HNRNPH1: variants seen among roughly 807,000 people sequenced by gnomAD.
HNRNPH1 encodes heterogeneous nuclear ribonucleoprotein H.
HNRNPH1 carries 4 observed loss-of-function variants against 58.6 expected under a neutral mutation model. The observed-to-expected ratio is 0.07, with a 90% CI of 0.03 to 0.16. The LOEUF is 0.16. HNRNPH1 is among the 10% of genes least tolerant of loss of function. The pLI is 1.00. For missense variants in HNRNPH1, 271 were observed against 564.2 expected (o/e 0.48, Z 5.26); for synonymous variants, 192 against 189.2 (o/e 1.01, Z -0.12).
rs79542593 is a variant in HNRNPH1 at position 179,615,499 on chromosome 5, A to G, written c.*47T>C. On this transcript the variant is annotated intron_variant, in intron 12 of 12. Transcript: ENST00000356731. ...GCTATAGAAAGCATTATTACAACAT[A>G]TCAGTATTTGCTATTGGGAATTTAT... 3,066 of 999,808 alleles carry G rather than the reference A, an allele frequency of 3.1e-3. 86 individuals are homozygous for G. The East Asian group carries it at 0.057, about 19-fold the overall frequency. The allele number at this position is 999,808 out of a possible 1,614,324, so 61.9% of individuals were successfully genotyped here.
chr5:179,625,064 A>G (rs1350557245), upstream of HNRNPH1, among the ~76,000 whole-genome samples: 1 of 151,690 alleles, frequency 6.6e-6, no homozygotes, highest in African/African-American at 2.4e-5. Context: ...GTAAAGGAAA[A>G]CTCTTGCTGG....
chr5:179,616,813 A>C, intron 10 of HNRNPH1, 56 bp downstream of exon 11: 1 of 1,359,342 alleles, frequency 7.4e-7, no homozygotes, highest in Non-Finnish European at 1.0e-6. Flanking sequence ...CTTAACTTAT[A>C]ATTGACTTAT....
upstream of HNRNPH1, chr5:179,629,124 C>A (rs1378910628): frequency 1.3e-5 from 2 of 148,960 alleles, no homozygotes; most frequent in East Asian, 2.1e-4. Flanking sequence ...AGTGAAACCC[C>A]GTCTCTACTA....
At chr5:179,625,932 A>ATTAT (rs71591435), upstream of HNRNPH1, among the ~76,000 whole-genome samples, 32,960 of 144,100 alleles carry the variant, frequency 0.23, 4,573 homozygotes, top group East Asian at 0.6. Context: ...CCTTGCTCAG[A>ATTAT]TTATTTATTT....
At chr5:179,614,857 C>T (rs746739928) in exon 13 of HNRNPH1, 11 of 1,530,046 alleles carry the variant, frequency 7.2e-6, no homozygotes, top group Non-Finnish European at 8.9e-6. Context: ...TCCCCATCCA[C>T]CACTCATACT....
intron 11 of HNRNPH1, 156 bp downstream of exon 12, chr5:179,615,970 A>G (rs4376229): frequency 0.35 from 218,017 of 625,008 alleles, 42,433 homozygotes; most frequent in East Asian, 0.68. Flanking sequence ...TCATAACCCA[A>G]TTTCACCGAA....
exon 10 of HNRNPH1, chr5:179,616,870 C>T (rs866693670): frequency 1.2e-6 from 2 of 1,613,200 alleles, no homozygotes; most frequent in South Asian, 2.2e-5. Context: ...GATATTTACA[C>T]AAGCCCATGC....
At position 179,617,940 on chromosome 5, in the gene HNRNPH1, G is replaced by C; in HGVS notation, c.788-8C>G. ...AAAAACAGTAATTGAGGTCTAGATG[G>C]ACAAGAGTGTAAGCATCCTTCAACT... On this transcript the variant is annotated splice_polypyrimidine_tract_variant and splice_region_variant and intron_variant, in intron 6 of 12. Coordinates refer to ENST00000356731, the Ensembl canonical transcript of HNRNPH1. 1 of 1,614,048 alleles carries C rather than the reference G, an allele frequency of 6.2e-7. No homozygotes were observed. Among genetic ancestry groups the C allele is most frequent in the Non-Finnish European group, 8.5e-7 (1 of 1,179,912 alleles).
At chr5:179,624,522 C>G in exon 1 of HNRNPH1, 1 of 398,752 alleles carries the variant, frequency 2.5e-6, no homozygotes, top group Non-Finnish European at 4.4e-6. Flanking sequence ...CCTCTGCGCT[C>G]GGTAGGTTAC....
intron 11 of HNRNPH1, 119 bp downstream of exon 12, chr5:179,616,007 G>C: frequency 1.2e-6 from 1 of 821,184 alleles, no homozygotes; most frequent in South Asian, 1.6e-5. Flanking sequence ...CCAACTAAAG[G>C]CACCTGCCTG....
chr5:179,614,796 A>AC, exon 13 of HNRNPH1: 1 of 952,702 alleles, frequency 1.0e-6, no homozygotes, highest in Non-Finnish European at 1.5e-6. Context: ...AAAAAAAAAA[A>AC]AAAAAAAAAA....
At chr5:179,623,766 A>C (rs968057315) in exon 1 of HNRNPH1, 2 of 152,248 alleles carry the variant, frequency 1.3e-5, no homozygotes, top group African/African-American at 2.4e-5. Context: ...CGTCACAAAG[A>C]GCTCTGGCGC....
chr5:179,630,500 A>T (rs986628946), intron 2 of HNRNPH1, among the ~76,000 whole-genome samples: 1 of 152,238 alleles, frequency 6.6e-6, no homozygotes, highest in Non-Finnish European at 1.5e-5. Context: ...CAAATTAATG[A>T]TCATTTAAAA....
exon 1 of HNRNPH1, chr5:179,623,193 A>C (rs959835256): frequency 2.1e-5 from 26 of 1,262,098 alleles, no homozygotes; most frequent in African/African-American, 1.3e-4. Flanking sequence ...CAGAACTGAG[A>C]GCGCCAATTA....
chr5:179,618,965 G>C (rs928408088), intron 4 of HNRNPH1: 1 of 199,164 alleles, frequency 5.0e-6, no homozygotes, highest in African/African-American at 2.3e-5. Context: ...TTTATTCTAG[G>C]TGGGTGTTAT....
upstream of HNRNPH1, chr5:179,629,109 A>G (rs1204600036): frequency 2.2e-4 from 33 of 149,352 alleles, no homozygotes; most frequent in Middle Eastern, 0.011. Context: ...CATCCTGGAT[A>G]ACACAGTGAA....
chr5:179,614,837 T>C lies in HNRNPH1; in HGVS notation c.*123A>G, dbSNP rs760180052. 6.2e-5 allele frequency: 67 copies of C among 1,074,380 alleles called. 1 individual carries two copies. Among genetic ancestry groups the C allele is most frequent in the South Asian group, 4.1e-4 (30 of 73,942 alleles). 66.6% of individuals were successfully genotyped at this position (1,074,380 alleles called of 1,614,324 possible). ...ACCAAGAGTCAGTGATCAGGATCGA[T>C]CAATTACATTCCCCATCCACCACTC... On this transcript the variant is annotated 3_prime_UTR_variant, in exon 13 of 13. Coordinates refer to ENST00000356731, the Ensembl canonical transcript of HNRNPH1.
chr5:179,627,578 T>C (rs552395335), upstream of HNRNPH1, among the ~76,000 whole-genome samples: 7 of 151,952 alleles, frequency 4.6e-5, no homozygotes, highest in East Asian at 1.4e-3. Context: ...CTCGGCTCAC[T>C]GCAACCTCCA....
chr5:179,614,912 C>T (rs1400366994), exon 13 of HNRNPH1: 17 of 1,549,994 alleles, frequency 1.1e-5, no homozygotes, highest in Non-Finnish European at 1.5e-5. Context: ...CCCATAGATG[C>T]ACGGCTTCCA....
Sources: allele counts gnomAD v4.1 joint callset (sites outside exome capture counted in the v4.1 genomes callset), GRCh38; gene constraint gnomAD v4.1.1; transcripts MANE v1.5; gene names NCBI Gene and HGNC (gene_info 2026-07-23, HGNC 2026-07-21).